Variants in QDPR observed in about 807,000 individuals in gnomAD.
QDPR encodes dihydropteridine reductase.
Under a neutral mutation model 31.7 loss-of-function variants are expected in QDPR, and 23 were observed. That is an observed-to-expected ratio of 0.73 (90% CI 0.52 to 1.03). The LOEUF (loss-of-function observed/expected upper bound fraction) is 1.03. Among genes scored for constraint, QDPR ranks in the 50% least tolerant of loss-of-function variants. QDPR has a pLI of 0.00. For missense variants in QDPR, 324 were observed against 323.8 expected (o/e 1.00, Z 0.00); for synonymous variants, 124 against 124.7 (o/e 0.99, Z 0.03).
intron 3 of QDPR, 127 bp downstream of exon 3, chr4:17,504,252 G>A (rs546958366): frequency 1.1e-4 from 88 of 786,614 alleles, no homozygotes; most frequent in Non-Finnish European, 1.7e-4. Context: ...CTCTCTCCCC[G>A]AGCAACTGTA....
chr4:17,489,999 G>A lies in QDPR; in HGVS notation c.629+663C>T, dbSNP rs1343915023. 5.7e-5 allele frequency: 9 copies of A among 158,282 alleles called. No homozygotes were observed. In the East Asian group the frequency reaches 1.6e-3, roughly 28 times the overall value. 9.8% of individuals were successfully genotyped at this position (158,282 alleles called of 1,614,324 possible). ...CGAGGGCAGCACCTGGCCCATAGTG[G>A]GTGCTCGATGAACACATGCTTACTA... On this transcript the variant is annotated intron_variant, in intron 6 of 6. Transcript: ENST00000281243.
chr4:17,503,673 G>A (rs1718648605), intron 3 of QDPR, among the ~76,000 whole-genome samples: 1 of 152,198 alleles, frequency 6.6e-6, no homozygotes, highest in Non-Finnish European at 1.5e-5. Context: ...AAATGGGCCA[G>A]GCGCACTGGC....
At chr4:17,507,602 CTTTTT>C (rs5856426) in intron 2 of QDPR, among the ~76,000 whole-genome samples, 6 of 143,756 alleles carry the variant, frequency 4.2e-5, no homozygotes, top group African/African-American at 1.0e-4. Flanking sequence ...ATTTTTCTTT[CTTTTT>C]TTTTTTTTTG....
At position 17,500,546 on chromosome 4, in the gene QDPR, G is replaced by A. The variant is rs139893230; in HGVS notation, c.436+1173C>T. ...TGGTTTCCTTAGAAGAGGAGGAAAC[G>A]AGGACAGACACACAGAGGGAAGACC... On this transcript the variant is annotated intron_variant, in intron 4 of 6. Coordinates refer to ENST00000281243, the MANE Select transcript of QDPR (RefSeq NM_000320.3). Among the ~76,000 whole-genome samples, 10 of 152,290 alleles carry A rather than the reference G, an allele frequency of 6.6e-5. No individual in the cohort carries two copies. In the East Asian group the frequency reaches 1.9e-3, roughly 29 times the overall value.
At chr4:17,492,096 T>C (rs1223825913) in intron 5 of QDPR, 136 bp downstream of exon 5, 2 of 653,956 alleles carry the variant, frequency 3.1e-6, no homozygotes, top group Non-Finnish European at 5.4e-6. Context: ...ATAAGTATCT[T>C]AAGAGACTTT....
chr4:17,495,877 C>T (rs914399079), intron 4 of QDPR, among the ~76,000 whole-genome samples: 3 of 151,772 alleles, frequency 2.0e-5, no homozygotes, highest in Admixed American at 2.0e-4. Context: ...GGTGTGATGG[C>T]GAGCGCCTGT....
intron 3 of QDPR, 84 bp from the exon 4 acceptor site, chr4:17,501,943 G>A: frequency 1.9e-6 from 3 of 1,575,078 alleles, no homozygotes; most frequent in East Asian, 2.2e-5. Flanking sequence ...CACACTCAGG[G>A]AGGCCCTCCC....
intron 2 of QDPR, among the ~76,000 whole-genome samples, chr4:17,507,392 C>T (rs1285808310): frequency 1.3e-5 from 2 of 152,090 alleles, no homozygotes; most frequent in East Asian, 1.9e-4. Context: ...CACTAAAAAC[C>T]ATTAAACACA....
At chr4:17,490,562 A>G in intron 6 of QDPR, 100 bp downstream of exon 6, 7 of 991,372 alleles carry the variant, frequency 7.1e-6, no homozygotes, top group Non-Finnish European at 1.1e-5. Context: ...GACCACCCGG[A>G]TTGACGATCT....
chr4:17,489,323 G>A (rs534642861), intron 6 of QDPR, among the ~76,000 whole-genome samples: 3 of 152,280 alleles, frequency 2.0e-5, no homozygotes, highest in South Asian at 2.1e-4. Context: ...GGCTCAGCAC[G>A]AGTTCAGACA....
At chr4:17,503,273 A>G (rs1275423899) in intron 3 of QDPR, among the ~76,000 whole-genome samples, 1 of 152,244 alleles carries the variant, frequency 6.6e-6, no homozygotes, top group African/African-American at 2.4e-5. Flanking sequence ...TAAAAACAAC[A>G]TAATGCAGTA....
rs144671873 is a variant in QDPR, at chr4:17,506,250, C to G, written c.199-1775G>C. Reference sequence around the variant, plus strand: ...CCTCAAGCCACCCTCCCACCTCAGCCTCCCGAGTAGCTGGGACTACAGTTG... The same window carrying G: ...CCTCAAGCCACCCTCCCACCTCAGCGTCCCGAGTAGCTGGGACTACAGTTG... On this transcript the variant is annotated intron_variant, in intron 2 of 6. Coordinates refer to ENST00000281243, the MANE Select transcript of QDPR (RefSeq NM_000320.3). 2.8e-4 allele frequency among the ~76,000 whole-genome samples: 42 copies of G among 152,326 alleles called. No individual in the cohort carries two copies. The East Asian group carries it at 8.1e-3, about 29-fold the overall frequency.
chr4:17,496,458 A>G (rs935531299), intron 4 of QDPR, among the ~76,000 whole-genome samples: 2 of 149,810 alleles, frequency 1.3e-5, no homozygotes, highest in South Asian at 2.1e-4. Context: ...AAAAAAAAAA[A>G]AAAAAAAAAA....
At chr4:17,495,777 G>C (rs538869353) in intron 4 of QDPR, among the ~76,000 whole-genome samples, 2 of 152,148 alleles carry the variant, frequency 1.3e-5, no homozygotes, top group Non-Finnish European at 2.9e-5. Context: ...GGGAGGCTGC[G>C]GCAAGTGGAT....
At chr4:17,491,936 A>G (rs112196667) in intron 5 of QDPR, among the ~76,000 whole-genome samples, 91 of 152,264 alleles carry the variant, frequency 6.0e-4, no homozygotes, top group African/African-American at 1.9e-3. Context: ...GGCGCCATCT[A>G]TGAGGAATGA....
chr4:17,509,222 C>T, intron 2 of QDPR, 49 bp downstream of exon 2: 2 of 1,429,722 alleles, frequency 1.4e-6, no homozygotes, highest in Non-Finnish European at 2.0e-6. Flanking sequence ...CAGTGGTCAC[C>T]TCTCCCCAGG....
At chr4:17,501,924 A>G in intron 3 of QDPR, 65 bp from the exon 4 acceptor site, 2 of 1,605,160 alleles carry the variant, frequency 1.2e-6, no homozygotes, top group Non-Finnish European at 1.7e-6. Context: ...AGCTCAACTC[A>G]TGCAGCCCCA....
intron 4 of QDPR, among the ~76,000 whole-genome samples, chr4:17,496,465 A>AAAAAAAAAAAAAAAAAAAC (rs1718360960): frequency 6.7e-6 from 1 of 148,756 alleles, no homozygotes; most frequent in South Asian, 2.1e-4. Flanking sequence ...AAAAAAAAAA[A>AAAAAAAAAAAAAAAAAAAC]AAAAAAAGAA....
chr4:17,504,994 TAC>T (rs1718706996), intron 2 of QDPR, among the ~76,000 whole-genome samples: 1 of 151,976 alleles, frequency 6.6e-6, no homozygotes, highest in South Asian at 2.1e-4. Flanking sequence ...CAAGAAAAAA[TAC>T]AGTCAATAGC....
Sources: allele counts gnomAD v4.1 joint callset (sites outside exome capture counted in the v4.1 genomes callset), GRCh38; gene constraint gnomAD v4.1.1; transcripts MANE v1.5; gene names NCBI Gene and HGNC (gene_info 2026-07-23, HGNC 2026-07-21).